RYR2: variants seen among roughly 807,000 people sequenced by gnomAD.
RYR2 encodes the protein cardiac muscle ryanodine receptor-calcium release channel.
RYR2 carries 227 observed loss-of-function variants against 601.1 expected under a neutral mutation model. That is an observed-to-expected ratio of 0.38 (90% CI 0.34 to 0.42). The LOEUF is 0.42. Ranked by LOEUF, RYR2 falls within the 10% of genes least tolerant of loss-of-function variation. The pLI is 1.00. For missense variants in RYR2, 4,646 were observed against 6,156.5 expected (o/e 0.75, Z 8.21); for synonymous variants, 2,223 against 2,175.1 (o/e 1.02, Z -0.61).
intron 98 of RYR2, among the ~76,000 whole-genome samples, chr1:237,803,543 G>T (rs557082097): frequency 2.6e-5 from 4 of 151,928 alleles, no homozygotes; most frequent in Non-Finnish European, 4.4e-5. Context: ...CTCGTGAACC[G>T]ACCGCCTTGG....
intron 1 of RYR2, among the ~76,000 whole-genome samples, chr1:237,185,293 G>A (rs541619886): frequency 3.9e-5 from 6 of 152,162 alleles, no homozygotes; most frequent in South Asian, 2.1e-4. Context: ...CACCACACCC[G>A]GCTACATAGA....
At chr1:237,335,398 G>A (rs1017813946) in intron 3 of RYR2, among the ~76,000 whole-genome samples, 2 of 152,152 alleles carry the variant, frequency 1.3e-5, no homozygotes, top group African/African-American at 4.8e-5. Flanking sequence ...AGGTGACGTA[G>A]TATAGTAGAA....
intron 51 of RYR2, among the ~76,000 whole-genome samples, chr1:237,652,871 G>A (rs909939965): frequency 2.6e-5 from 4 of 152,072 alleles, no homozygotes; most frequent in African/African-American, 9.7e-5. Context: ...TTGTGTGGAT[G>A]TATGTATGTG....
intron 11 of RYR2, among the ~76,000 whole-genome samples, chr1:237,419,287 G>A (rs1705321820): frequency 6.6e-6 from 1 of 151,458 alleles, no homozygotes; most frequent in Non-Finnish European, 1.5e-5. Flanking sequence ...CCCTACATCT[G>A]TCTTATTTTT....
intron 1 of RYR2, among the ~76,000 whole-genome samples, chr1:237,102,330 A>T (rs576153328): frequency 6.6e-6 from 1 of 152,236 alleles, no homozygotes; most frequent in Admixed American, 6.5e-5. Context: ...AAGGTTGAAA[A>T]TATATTTCTG....
intron 1 of RYR2, among the ~76,000 whole-genome samples, chr1:237,148,511 C>T (rs1446445016): frequency 3.1e-5 from 1 of 32,008 alleles, no homozygotes; most frequent in Non-Finnish European, 7.1e-5. Context: ...CCCAGAACTT[C>T]AAGTAAAAAA....
At chr1:237,311,280 C>A (rs59069459) in intron 2 of RYR2, among the ~76,000 whole-genome samples, 13,201 of 152,076 alleles carry the variant, frequency 0.087, 1,162 homozygotes, top group African/African-American at 0.22. Context: ...ACACTATGAG[C>A]TCAAAAACAT....
At chr1:237,213,592 G>A (rs184714391) in intron 1 of RYR2, among the ~76,000 whole-genome samples, 81 of 152,078 alleles carry the variant, frequency 5.3e-4, no homozygotes, top group Admixed American at 5.1e-3. Flanking sequence ...TAATGGGAGC[G>A]CCTCTTCTCA....
chr1:237,565,535 A>G (rs1001195767), intron 27 of RYR2, among the ~76,000 whole-genome samples: 2 of 152,076 alleles, frequency 1.3e-5, no homozygotes, highest in Non-Finnish European at 2.9e-5. Flanking sequence ...GTGAGCCACC[A>G]CACCTGGCTG....
At chr1:237,328,687 A>G (rs911144333) in intron 2 of RYR2, among the ~76,000 whole-genome samples, 3 of 152,074 alleles carry the variant, frequency 2.0e-5, no homozygotes, top group African/African-American at 7.2e-5. Flanking sequence ...TATTGTGGGC[A>G]TCATTTATCC....
At chr1:237,796,943 C>G (rs534009059) in intron 96 of RYR2, among the ~76,000 whole-genome samples, 1 of 152,054 alleles carries the variant, frequency 6.6e-6, no homozygotes, top group Non-Finnish European at 1.5e-5. Flanking sequence ...TACCACCATG[C>G]CTGGCTAATT....
chr1:237,599,509 C>T (rs1042930729), intron 34 of RYR2, among the ~76,000 whole-genome samples: 19 of 152,090 alleles, frequency 1.2e-4, no homozygotes, highest in Non-Finnish European at 2.8e-4. Context: ...GATACAATCT[C>T]AGTTACAATA....
intron 1 of RYR2, among the ~76,000 whole-genome samples, chr1:237,070,860 G>A (rs1190658761): frequency 6.6e-6 from 1 of 152,242 alleles, no homozygotes; most frequent in Non-Finnish European, 1.5e-5. Flanking sequence ...GAATGCAATG[G>A]TGCCAAAAGC....
intron 3 of RYR2, among the ~76,000 whole-genome samples, chr1:237,334,152 C>G (rs1363583018): frequency 1.3e-5 from 2 of 151,996 alleles, no homozygotes; most frequent in Non-Finnish European, 2.9e-5. Context: ...GACCATTTTG[C>G]TAGTATTCTT....
chr1:237,218,511 A>C (rs1305109858), intron 1 of RYR2, among the ~76,000 whole-genome samples: 1 of 152,188 alleles, frequency 6.6e-6, no homozygotes, highest in Non-Finnish European at 1.5e-5. Flanking sequence ...ATAGGTTTTC[A>C]GCTTGCTTTC....
intron 1 of RYR2, among the ~76,000 whole-genome samples, chr1:237,119,531 T>C (rs144355038): frequency 1.3e-3 from 199 of 152,304 alleles, no homozygotes; most frequent in African/African-American, 4.3e-3. Context: ...CAGAGACAGA[T>C]ATCCAGGTGC....
At chr1:237,466,456 T>C (rs10925424) in intron 16 of RYR2, among the ~76,000 whole-genome samples, 73,868 of 152,042 alleles carry the variant, frequency 0.49, 18,975 homozygotes, top group East Asian at 0.65. Context: ...TATGAGCCAC[T>C]ACGCCTGGTG....
rs1181958884 is a variant in RYR2, at chr1:237,615,433, C to A, written c.5715+590C>A. On this transcript the variant is annotated intron_variant, in intron 37 of 104. Transcript: ENST00000366574. ...TGTCAAACTCCTGGACTCAAGTGTT[C>A]CTCACTCCTCATGCTCCCAAAATGC... Among the ~76,000 whole-genome samples the A allele has an allele frequency of 2.0e-5, 3 of 152,112 alleles. No individual in the cohort carries two copies. The East Asian group carries it at 5.8e-4, about 29-fold the overall frequency.
chr1:237,235,577 C>T (rs1685474477), intron 1 of RYR2, among the ~76,000 whole-genome samples: 1 of 152,170 alleles, frequency 6.6e-6, no homozygotes, highest in African/African-American at 2.4e-5. Context: ...GTGGAGTGAA[C>T]TGCTTTTTGT....
Sources: gnomAD v4.1 joint callset for allele counts (sites outside exome capture counted in the v4.1 genomes callset) on GRCh38, gnomAD v4.1.1 for gene constraint, MANE v1.5 for transcripts, NCBI Gene and HGNC (gene_info 2026-07-23, HGNC 2026-07-21) for gene names.